The following MMD2 variants were observed in gnomAD, a reference collection of about 807,000 sequenced individuals.
The protein encoded by MMD2 is monocyte to macrophage differentiation factor 2.
Under a neutral mutation model 33.5 loss-of-function variants are expected in MMD2, and 30 were observed. That is an observed-to-expected ratio of 0.90 (90% CI 0.67 to 1.22). MMD2 has a LOEUF of 1.22. Among genes scored for constraint, MMD2 ranks in the 50% most tolerant of loss-of-function variants. The probability of loss-of-function intolerance (pLI) is 0.00; values close to 1 mark genes in which losing one functional copy is unlikely to be tolerated. For synonymous variants in MMD2, 129 were observed against 123.0 expected, an observed-to-expected ratio of 1.05 and a Z score of -0.32; for missense variants, 364 against 325.4, an observed-to-expected ratio of 1.12 and a Z score of -0.91.
intron 1 of MMD2, among the ~76,000 whole-genome samples, chr7:4,939,153 G>A (rs2115136548): frequency 6.6e-6 from 1 of 152,086 alleles, no homozygotes; most frequent in South Asian, 2.1e-4. Context: ...AGTCAGCTGA[G>A]ATCGTGCCAC....
At chr7:4,935,317 A>C (rs1315221732) in intron 1 of MMD2, among the ~76,000 whole-genome samples, 6 of 152,094 alleles carry the variant, frequency 3.9e-5, no homozygotes, top group Non-Finnish European at 8.8e-5. Flanking sequence ...GTGCCACTGC[A>C]CTCCAGCCTG....
intron 4 of MMD2, among the ~76,000 whole-genome samples, chr7:4,914,199 G>A (rs1785086502): frequency 6.6e-6 from 1 of 152,104 alleles, no homozygotes; most frequent in African/African-American, 2.4e-5. Context: ...CTTCTTTCAT[G>A]CGTGACCATG....
At chr7:4,938,235 T>C (rs1376035580) in intron 1 of MMD2, among the ~76,000 whole-genome samples, 1 of 151,934 alleles carries the variant, frequency 6.6e-6, no homozygotes, top group Non-Finnish European at 1.5e-5. Flanking sequence ...GGTCTCAAAC[T>C]CCTGACCTCG....
intron 6 of MMD2, among the ~76,000 whole-genome samples, chr7:4,909,180 G>A (rs977978223): frequency 6.6e-6 from 1 of 151,948 alleles, no homozygotes; most frequent in African/African-American, 2.4e-5. Context: ...CTATTAACAC[G>A]AGTTGTTCTT....
At chr7:4,908,171 T>C (rs1191333082) in intron 6 of MMD2, among the ~76,000 whole-genome samples, 16 of 150,376 alleles carry the variant, frequency 1.1e-4, no homozygotes, top group Non-Finnish European at 1.8e-4. Context: ...TGAGACACAG[T>C]TGCTCTTTTG....
At chr7:4,905,341 G>C (rs115600205), downstream of MMD2, among the ~76,000 whole-genome samples, 1,587 of 149,386 alleles carry the variant, frequency 0.011, 24 homozygotes, top group African/African-American at 0.038. The surrounding 1 kb of genome is among the most constrained non-coding windows in gnomAD (Gnocchi z 5.0). Flanking sequence ...ATGAGAAGAA[G>C]AAGAGGAGGA....
the MMD2 span, among the ~76,000 whole-genome samples, chr7:4,893,622 C>T: frequency 2.6e-5 from 4 of 151,688 alleles, no homozygotes; most frequent in African/African-American, 4.8e-5. Flanking sequence ...GAACTCCTGA[C>T]CTCAGGTGAT....
chr7:4,902,637 G>C (rs199731647), downstream of MMD2, among the ~76,000 whole-genome samples: 1 of 145,114 alleles, frequency 6.9e-6, no homozygotes, highest in East Asian at 1.9e-4. Context: ...TACCACGCCT[G>C]TGACATTAGC....
At chr7:4,908,949 C>CA (rs1784937117) in intron 6 of MMD2, among the ~76,000 whole-genome samples, 1 of 150,350 alleles carries the variant, frequency 6.7e-6, no homozygotes. Flanking sequence ...TGCAGAGATG[C>CA]AAAAAGTTCT....
At chr7:4,920,492 A>G (rs1230929805) in intron 2 of MMD2, among the ~76,000 whole-genome samples, 161 bp from the exon 3 acceptor site, 1 of 152,080 alleles carries the variant, frequency 6.6e-6, no homozygotes, top group Non-Finnish European at 1.5e-5. Context: ...ACTTTAAGGG[A>G]TTCAGGTGTA....
At chr7:4,914,130 C>T (rs1785085009) in intron 4 of MMD2, among the ~76,000 whole-genome samples, 1 of 152,166 alleles carries the variant, frequency 6.6e-6, no homozygotes, top group African/African-American at 2.4e-5. Context: ...GGAGCACAGG[C>T]ACATGCCATC....
rs1245892388 is a variant in MMD2 at position 4,946,340 on chromosome 7, A to G, written c.47+12631T>C. ...CCATGCTCCAAACATGGACGGATCA[A>G]TTTGTTTCCCTCTGCGGCCTTTCTC... On this transcript the variant is annotated intron_variant, in intron 1 of 6. Transcript: ENST00000401401. The surrounding 1 kb of genome is among the most constrained non-coding windows in gnomAD (Gnocchi z 5.0). Among the ~76,000 whole-genome samples the G allele has an allele frequency of 6.6e-6, 1 of 152,192 alleles. No individual in the cohort carries two copies. Among genetic ancestry groups the G allele is most frequent in the Non-Finnish European group, 1.5e-5 (1 of 68,038 alleles).
chr7:4,920,141 C>T (rs200817185), intron 3 of MMD2, 30 bp downstream of exon 3: 29 of 1,548,538 alleles, frequency 1.9e-5, no homozygotes, highest in Non-Finnish European at 2.4e-5. Flanking sequence ...ACCCCCTACC[C>T]GGCATGGGTC....
chr7:4,912,452 C>G (rs1437529737), intron 4 of MMD2, among the ~76,000 whole-genome samples: 3 of 151,420 alleles, frequency 2.0e-5, no homozygotes, highest in Non-Finnish European at 2.9e-5. Context: ...GTCCCAGCTA[C>G]TCAGGAGGCT....
chr7:4,914,923 T>A (rs1171735858), intron 4 of MMD2, among the ~76,000 whole-genome samples: 1 of 150,138 alleles, frequency 6.7e-6, no homozygotes, highest in African/African-American at 2.5e-5. Flanking sequence ...AGAACAAGAC[T>A]CCATCTCAAA....
chr7:4,939,825 C>T (rs1416465342), intron 1 of MMD2, among the ~76,000 whole-genome samples: 4 of 151,524 alleles, frequency 2.6e-5, no homozygotes, highest in Admixed American at 2.6e-4. Context: ...ACTGCAACCT[C>T]TGCCTTCCAG....
At chr7:4,928,046 T>A (rs1465370481) in intron 1 of MMD2, among the ~76,000 whole-genome samples, 7 of 152,186 alleles carry the variant, frequency 4.6e-5, no homozygotes, top group African/African-American at 1.4e-4. Context: ...TGCACACACC[T>A]GGCTGTCGGA....
rs553883424 is a variant in MMD2 at position 4,916,220 on chromosome 7, C to G, written c.291-141G>C. On this transcript the variant is annotated intron_variant, in intron 3 of 6. Transcript: ENST00000401401. ...CCTCTGTCCAGCCAAGACCCCTTGG[C>G]CCTCAGAATCCCCATCTGTAAGTGA... is the stretch of plus-strand genomic sequence containing the variant. 143 of 663,550 alleles carry G rather than the reference C, an allele frequency of 2.2e-4. No individual in the cohort carries two copies. In the African/African-American group the frequency reaches 2.3e-3, roughly 11 times the overall value. The allele number at this position is 663,550 out of a possible 1,614,324, so 41.1% of individuals were successfully genotyped here. A position where few individuals can be genotyped will look rare whatever the true frequency, so the allele number is the denominator to read the frequency against.
intron 6 of MMD2, chr7:4,909,606 ATT>A (rs926345032): frequency 1.1e-3 from 577 of 541,912 alleles, no homozygotes; most frequent in Non-Finnish European, 1.3e-3. Context: ...CATCTGGCTA[ATT>A]TTTTTTTTTT....
Sources: allele counts gnomAD v4.1 joint callset (sites outside exome capture counted in the v4.1 genomes callset), GRCh38; gene constraint gnomAD v4.1.1; non-coding constraint Gnocchi (gnomAD v3.1); transcripts MANE v1.5; gene names NCBI Gene and HGNC (gene_info 2026-07-23, HGNC 2026-07-21).